The following GYS1 variants were observed in gnomAD, a reference collection of about 807,000 sequenced individuals.
GYS1 encodes glycogen synthase 1, also known as glycogen [starch] synthase, muscle.
Under a neutral mutation model 89.1 loss-of-function variants are expected in GYS1, and 60 were observed. The observed-to-expected ratio is 0.67, with a 90% CI of 0.55 to 0.84. The LOEUF (loss-of-function observed/expected upper bound fraction) is 0.84. GYS1 is among the 40% of genes least tolerant of loss of function. The pLI, the probability that GYS1 is intolerant of heterozygous loss-of-function variation, is 0.00. For synonymous variants in GYS1, 366 were observed against 401.7 expected, an observed-to-expected ratio of 0.91 and a Z score of 1.06; for missense variants, 888 against 1,003.1, an observed-to-expected ratio of 0.89 and a Z score of 1.55.
rs2038778938 is a variant in GYS1, at chr19:48,982,350, T to C, written c.967A>G (p.Thr323Ala). Residue 323 changes from threonine to alanine, a missense_variant, in exon 7 of 16, where the codon ACC becomes GCC. Coordinates refer to ENST00000323798, the MANE Select transcript of GYS1 (RefSeq NM_002103.5). ...YGHLDFNLDKTLYFFIAGRYE... is the reference protein window; with the variant it reads ...YGHLDFNLDKALYFFIAGRYE... ...CGGCCGGCGATAAAGAAGTATAAGG[T>C]CTTGTCCAAGTTGAAGTCCAGATGC... 1.2e-6 allele frequency: 2 copies of C among 1,613,758 alleles called. No homozygotes were observed. Among genetic ancestry groups the C allele is most frequent in the Non-Finnish European group, 1.7e-6 (2 of 1,179,872 alleles).
intron 14 of GYS1, 171 bp downstream of exon 14, chr19:48,970,375 C>A: frequency 4.7e-6 from 3 of 636,136 alleles, no homozygotes; most frequent in Non-Finnish European, 8.4e-6. Flanking sequence ...CCTGTTAGGC[C>A]TCCCAAAGTG....
At chr19:48,979,329 T>C (rs8104924) in intron 8 of GYS1, among the ~76,000 whole-genome samples, 51,658 of 136,166 alleles carry the variant, frequency 0.38, 10,121 homozygotes, top group Middle Eastern at 0.52. Flanking sequence ...TTTTTCTTTT[T>C]TCTTTTCTTT....
chr19:48,989,474 T>G (rs905551907), intron 2 of GYS1, among the ~76,000 whole-genome samples: 4 of 126,508 alleles, frequency 3.2e-5, no homozygotes, highest in African/African-American at 1.3e-4. Flanking sequence ...AGAGTGAGAT[T>G]CTATCTGAAA....
Position 48,988,055 on chromosome 19 carries a change from GC to G in GYS1, c.301-671del, listed in dbSNP as rs760428472. ...CCGACCTTGTGATCCGCCCGCCTCG[GC>G]GTCCCAAAGTGCTGGGATTACAGGC... On this transcript the variant is annotated intron_variant, in intron 2 of 15. Transcript: ENST00000323798. Among the ~76,000 whole-genome samples the G allele has an allele frequency of 3.9e-5, 6 of 152,292 alleles. No homozygotes were observed. In the East Asian group the frequency reaches 7.7e-4, roughly 20 times the overall value.
At position 48,978,699 on chromosome 19, in the gene GYS1, T is replaced by G. The variant is rs148378343; in HGVS notation, c.1170-542A>C. ...GGCACCTGCCACCATGCCCGGCTAA[T>G]TTTTGTAACTTTAGTAGAGACGGGG... On this transcript the variant is annotated intron_variant, in intron 8 of 15. Transcript: ENST00000323798. Among the ~76,000 whole-genome samples, 1,285 of 151,152 alleles carry G rather than the reference T, an allele frequency of 8.5e-3. 8 individuals are homozygous for G. Among genetic ancestry groups the G allele is most frequent in the South Asian group, 0.029 (139 of 4,758 alleles).
chr19:48,970,808 G>C lies in GYS1; in HGVS notation c.1646-99C>G, dbSNP rs2038552742. On this transcript the variant is annotated intron_variant, in intron 13 of 15. Transcript: ENST00000323798. ...AGGACCCCTCCTCTCCCAGCGGCCC[G>C]AGAGCCCCCCCATTTCCTGGTGCCC... The C allele has an allele frequency of 2.8e-6, 4 of 1,421,550 alleles. No homozygotes were observed. In the African/African-American group the frequency reaches 4.2e-5, roughly 15 times the overall value. 88.1% of individuals were successfully genotyped at this position (1,421,550 alleles called of 1,614,324 possible). A position where few individuals can be genotyped will look rare whatever the true frequency, so the allele number is the denominator to read the frequency against.
chr19:48,970,175 G>C, intron 14 of GYS1: 1 of 475,768 alleles, frequency 2.1e-6, no homozygotes, highest in Non-Finnish European at 3.8e-6. Flanking sequence ...CTAGGATGGA[G>C]TGCAGTGGGT....
intron 14 of GYS1, chr19:48,970,170 A>T (rs939653431): frequency 2.1e-6 from 1 of 475,988 alleles, no homozygotes; most frequent in Non-Finnish European, 3.8e-6. Flanking sequence ...TTACTCTAGG[A>T]TGGAGTGCAG....
chr19:48,992,828 C>A (rs964462698), intron 1 of GYS1, among the ~76,000 whole-genome samples, 167 bp downstream of exon 1: 2 of 152,106 alleles, frequency 1.3e-5, no homozygotes, highest in Non-Finnish European at 2.9e-5. Flanking sequence ...AACGAACCAT[C>A]CCTCTCCCAC....
chr19:48,970,169 G>A (rs8103451), intron 14 of GYS1: 22,004 of 479,504 alleles, frequency 0.046, 686 homozygotes, highest in Admixed American at 0.064. Flanking sequence ...GTTACTCTAG[G>A]ATGGAGTGCA....
chr19:48,991,553 GCC>G lies in GYS1; in HGVS notation c.119-72_119-71del. ...AGTTCTGGGGCCTGGGGTGGGGTGGGCCGGGGATGTAGGGGGCACTCAGGCCC... is the reference window on the plus strand; with the variant it reads ...AGTTCTGGGGCCTGGGGTGGGGTGGGGGGGATGTAGGGGGCACTCAGGCCC... On this transcript the variant is annotated intron_variant, in intron 1 of 15. Coordinates refer to ENST00000323798, the MANE Select transcript of GYS1 (RefSeq NM_002103.5). This position sits in a 1 kb window ranked among gnomAD's most constrained non-coding sequence, Gnocchi z 4.7. 4 of 1,409,172 alleles carry G rather than the reference GCC, an allele frequency of 2.8e-6. No homozygotes were observed. The highest frequency in any genetic ancestry group is 4.0e-6 in the Non-Finnish European group (4 of 999,754). 87.3% of individuals were successfully genotyped at this position (1,409,172 alleles called of 1,614,324 possible).
At chr19:48,989,047 GCTTC>G (rs774487050) in intron 2 of GYS1, among the ~76,000 whole-genome samples, 95 of 150,770 alleles carry the variant, frequency 6.3e-4, no homozygotes, top group African/African-American at 1.7e-3. Flanking sequence ...TTCCTTCCTT[GCTTC>G]CTTCCTTCCT....
Position 48,991,777 on chromosome 19 carries a change from C to T in GYS1, c.119-294G>A, listed in dbSNP as rs2038934171. On this transcript the variant is annotated intron_variant, in intron 1 of 15. Coordinates refer to ENST00000323798, the MANE Select transcript of GYS1 (RefSeq NM_002103.5). The surrounding 1 kb of genome is among the most constrained non-coding windows in gnomAD (Gnocchi z 4.7). Reference sequence around the variant, plus strand: ...GGTCTGAGAGAGAAGGGGCTGGGTGCCGGGACCCCTTGGTCTGAAGGAATT... The same window carrying T: ...GGTCTGAGAGAGAAGGGGCTGGGTGTCGGGACCCCTTGGTCTGAAGGAATT... 6.6e-6 allele frequency among the ~76,000 whole-genome samples: 1 copy of T among 151,986 alleles called. No homozygotes were observed. The highest frequency in any genetic ancestry group is 1.5e-5 in the Non-Finnish European group (1 of 67,946).
chr19:48,976,064 T>C (rs1238730640), intron 10 of GYS1, among the ~76,000 whole-genome samples: 1 of 151,994 alleles, frequency 6.6e-6, no homozygotes, highest in African/African-American at 2.4e-5. Flanking sequence ...GTATAGTTCT[T>C]AGCAACTGTT....
chr19:48,968,870 T>C lies in GYS1; in HGVS notation c.*418A>G. The stretch of plus-strand genomic sequence containing the variant: ...ACACCACGTGGTTTCCAGAACTTGG[T>C]GGCCCGCATGCCGGGCCTGAGCGTG... On this transcript the variant is annotated 3_prime_UTR_variant, in exon 16 of 16. Transcript: ENST00000323798. 1 of 466,672 alleles carries C rather than the reference T, an allele frequency of 2.1e-6. No individual in the cohort carries two copies. Among genetic ancestry groups the C allele is most frequent in the Non-Finnish European group, 4.2e-6 (1 of 235,724 alleles). The allele number at this position is 466,672 out of a possible 1,614,324, so 28.9% of individuals were successfully genotyped here.
intron 12 of GYS1, among the ~76,000 whole-genome samples, chr19:48,972,292 G>A (rs2038578424): frequency 6.6e-6 from 1 of 151,010 alleles, no homozygotes; most frequent in African/African-American, 2.4e-5. Flanking sequence ...CCAAGACTGT[G>A]CCACTGCACT....
chr19:48,989,954 G>A (rs549293842), intron 2 of GYS1, among the ~76,000 whole-genome samples: 53 of 145,788 alleles, frequency 3.6e-4, no homozygotes, highest in Admixed American at 4.2e-4. Context: ...CTGGAGCCTC[G>A]CTCTGAGGTC....
chr19:48,975,841 G>A (rs951820346), intron 10 of GYS1, among the ~76,000 whole-genome samples: 1 of 151,098 alleles, frequency 6.6e-6, no homozygotes, highest in East Asian at 1.9e-4. Flanking sequence ...GAATCCGGGA[G>A]GCGGAGGTTG....
chr19:48,989,997 C>CCG lies in GYS1; in HGVS notation c.300+1304_300+1305insCG, dbSNP rs1568626187. Among the ~76,000 whole-genome samples the CCG allele has an allele frequency of 9.9e-4, 26 of 26,158 alleles. 1 individual carries two copies. Among genetic ancestry groups the CCG allele is most frequent in the Non-Finnish European group, 1.1e-3 (18 of 16,368 alleles). The allele number at this position is 26,158 out of a possible 152,430, so 17.2% of individuals were successfully genotyped here. A position where few individuals can be genotyped will look rare whatever the true frequency, so the allele number is the denominator to read the frequency against. ...CTCCCAGCTGTTGTCTGCCCTTTTG[C>CCG]TGGGGGGGGGGGGGGGCTATTCTTA... On this transcript the variant is annotated intron_variant, in intron 2 of 15. Coordinates refer to ENST00000323798, the MANE Select transcript of GYS1 (RefSeq NM_002103.5).
Sources: allele counts gnomAD v4.1 joint callset (sites outside exome capture counted in the v4.1 genomes callset), GRCh38; gene constraint gnomAD v4.1.1; non-coding constraint Gnocchi (gnomAD v3.1); transcripts MANE v1.5; gene names NCBI Gene and HGNC (gene_info 2026-07-23, HGNC 2026-07-21).